The following RAB11FIP4 variants were observed in gnomAD, a reference collection of about 807,000 sequenced individuals.
The protein encoded by RAB11FIP4 is RAB11 family interacting protein 4.
Under a neutral mutation model 74.3 loss-of-function variants are expected in RAB11FIP4, and 23 were observed. The ratio of observed to expected loss-of-function variants is 0.31; its 90% CI spans 0.22 to 0.44. RAB11FIP4 has a LOEUF of 0.44. Ranked by LOEUF, RAB11FIP4 falls within the 20% of genes least tolerant of loss-of-function variation. The pLI is 1.00. For synonymous variants in RAB11FIP4, 360 were observed against 359.9 expected, an observed-to-expected ratio of 1.00 and a Z score of 0.00; for missense variants, 630 against 863.9, an observed-to-expected ratio of 0.73 and a Z score of 3.39.
chr17:31,524,969 C>T (rs1567692905), intron 9 of RAB11FIP4, 121 bp from the exon 10 acceptor site: 1 of 1,199,844 alleles, frequency 8.3e-7, no homozygotes, highest in Non-Finnish European at 1.2e-6. Context: ...TACTGGCCCA[C>T]ACGCCCTCAG....
intron 3 of RAB11FIP4, among the ~76,000 whole-genome samples, chr17:31,502,883 G>A (rs2072248345): frequency 6.6e-6 from 1 of 152,170 alleles, no homozygotes; most frequent in African/African-American, 2.4e-5. Context: ...TCCTTGGCTT[G>A]CAGACAGCCA....
rs745347744 is a variant in RAB11FIP4, at chr17:31,528,410, G to A, written c.1361G>A (p.Arg454Gln). Residue 454 changes from arginine (R) to glutamine (Q), a missense_variant, in exon 12 of 15, where the codon CGG (arginine) becomes CAG (glutamine). Physicochemically the swap from Arg to Gln is conservative, Grantham distance 43 (BLOSUM62 1). Transcript: ENST00000621161. Reference sequence around the variant, plus strand: ...GATCGGGTCTCCCTGCTCCAGGAGCGGCAGCGCATGTCTGACCGTCTGGAG... The same window carrying A: ...GATCGGGTCTCCCTGCTCCAGGAGCAGCAGCGCATGTCTGACCGTCTGGAG... ...KSQTEKLDEERQRMSDRLEDT... is the reference protein window; with the variant it reads ...KSQTEKLDEEQQRMSDRLEDT... 7 of 1,612,474 alleles carry A rather than the reference G, an allele frequency of 4.3e-6. No homozygotes were observed. Among genetic ancestry groups the A allele is most frequent in the Middle Eastern group, 1.6e-4 (1 of 6,062 alleles).
intron 14 of RAB11FIP4, chr17:31,531,223 T>C (rs1320504773): frequency 5.4e-6 from 1 of 186,236 alleles, no homozygotes; most frequent in Non-Finnish European, 1.1e-5. Context: ...AGTGTGGGGC[T>C]GGGGGTGGGG....
At chr17:31,419,355 G>T (rs1177045351) in intron 1 of RAB11FIP4, among the ~76,000 whole-genome samples, 1 of 151,116 alleles carries the variant, frequency 6.6e-6, no homozygotes, top group African/African-American at 2.4e-5. Flanking sequence ...TCTTTTGATA[G>T]GTTTTTCTTC....
rs532438560 is a variant in RAB11FIP4, at chr17:31,431,598, G to A, written c.160-215G>A. Reference sequence around the variant, plus strand: ...GCTCAGGGAGGGTGTGCTCAGGGAGGAGCCGGTGTTGGCTCTGCTTTTCTT... The same window carrying A: ...GCTCAGGGAGGGTGTGCTCAGGGAGAAGCCGGTGTTGGCTCTGCTTTTCTT... On this transcript the variant is annotated intron_variant, in intron 1 of 14. Transcript: ENST00000621161. 5.9e-6 allele frequency: 3 copies of A among 506,522 alleles called. No individual in the cohort carries two copies. In the African/African-American group the frequency reaches 6.1e-5, roughly 10 times the overall value. 31.4% of individuals were successfully genotyped at this position (506,522 alleles called of 1,614,324 possible). A position where few individuals can be genotyped will look rare whatever the true frequency, so the allele number is the denominator to read the frequency against.
intron 3 of RAB11FIP4, among the ~76,000 whole-genome samples, chr17:31,500,760 C>T (rs1005730791): frequency 1.3e-5 from 2 of 152,224 alleles, no homozygotes; most frequent in African/African-American, 4.8e-5. Flanking sequence ...CATGGTGGCT[C>T]ATGCCTGTAA....
At chr17:31,408,544 C>A (rs1186868611) in intron 1 of RAB11FIP4, among the ~76,000 whole-genome samples, 2 of 152,180 alleles carry the variant, frequency 1.3e-5, no homozygotes, top group Admixed American at 1.3e-4. Flanking sequence ...TTTCTCTAAT[C>A]TCACCACTGG....
At chr17:31,410,616 G>C (rs1371557081) in intron 1 of RAB11FIP4, among the ~76,000 whole-genome samples, 2 of 152,088 alleles carry the variant, frequency 1.3e-5, no homozygotes, top group African/African-American at 4.8e-5. Flanking sequence ...CACCGAGGGG[G>C]CTGAAGGGGG....
chr17:31,402,907 G>C (rs1412617650), intron 1 of RAB11FIP4, among the ~76,000 whole-genome samples: 2 of 152,224 alleles, frequency 1.3e-5, no homozygotes, highest in East Asian at 1.9e-4. Flanking sequence ...TTACAGGCGT[G>C]AGCCACCGCG....
chr17:31,411,650 C>A (rs563836442), intron 1 of RAB11FIP4, among the ~76,000 whole-genome samples: 1 of 152,304 alleles, frequency 6.6e-6, no homozygotes, highest in Non-Finnish European at 1.5e-5. Flanking sequence ...TAAATAAGGG[C>A]CTCAATCATG....
intron 1 of RAB11FIP4, among the ~76,000 whole-genome samples, chr17:31,396,242 A>C (rs2070929858): frequency 6.6e-6 from 1 of 151,386 alleles, no homozygotes; most frequent in Admixed American, 6.6e-5. Flanking sequence ...TTTTTGAGGG[A>C]TGGGGGCACA....
rs1328234964 is a variant in RAB11FIP4 at position 31,521,178 on chromosome 17, C to A, written c.576C>A (p.His192Gln). The change falls in exon 5 of 15, where the codon CAC becomes CAA. Residue 192 changes from histidine (H) to glutamine (Q), a missense_variant. Coordinates refer to ENST00000621161, the MANE Select transcript of RAB11FIP4 (RefSeq NM_032932.6). ...LFLPEDKSLV[H>Q]TPSMTTSDLS... Reference sequence around the variant, plus strand: ...CTCGGACCCTCAGGTCCCTGGTCCACACTCCATCCATGACGACCTCAGACC... The same window carrying A: ...CTCGGACCCTCAGGTCCCTGGTCCAAACTCCATCCATGACGACCTCAGACC... 6.3e-7 allele frequency: 1 copy of A among 1,595,444 alleles called. No individual in the cohort carries two copies.
intron 3 of RAB11FIP4, among the ~76,000 whole-genome samples, chr17:31,456,616 C>A (rs1319460585): frequency 2.0e-5 from 3 of 152,192 alleles, no homozygotes; most frequent in Non-Finnish European, 4.4e-5. Context: ...CCCTTGCTGT[C>A]CTTTTTGGTT....
chr17:31,516,659 G>T (rs1208625295), intron 3 of RAB11FIP4, among the ~76,000 whole-genome samples: 2 of 152,154 alleles, frequency 1.3e-5, no homozygotes, highest in Non-Finnish European at 1.5e-5. Flanking sequence ...TAGTAGAGAC[G>T]GGGTTTCACC....
intron 3 of RAB11FIP4, among the ~76,000 whole-genome samples, chr17:31,472,853 T>C (rs1299767089): frequency 1.3e-5 from 2 of 150,454 alleles, no homozygotes; most frequent in Non-Finnish European, 3.0e-5. Context: ...GCCAACATGG[T>C]GAAACCCCAT....
intron 3 of RAB11FIP4, among the ~76,000 whole-genome samples, chr17:31,501,167 G>A (rs969667164): frequency 1.3e-5 from 2 of 151,268 alleles, no homozygotes; most frequent in Non-Finnish European, 2.9e-5. Flanking sequence ...CAAACTAATC[G>A]TGAAAGAGAA....
At chr17:31,462,284 A>AC (rs1339934548) in intron 3 of RAB11FIP4, among the ~76,000 whole-genome samples, 2 of 151,700 alleles carry the variant, frequency 1.3e-5, no homozygotes, top group Admixed American at 6.6e-5. Context: ...CAAAAAACAA[A>AC]AAAAAAAACA....
intron 1 of RAB11FIP4, among the ~76,000 whole-genome samples, chr17:31,408,045 G>T (rs2071058744): frequency 1.3e-5 from 2 of 151,556 alleles, no homozygotes; most frequent in Non-Finnish European, 2.9e-5. Flanking sequence ...CCTTTTCTGA[G>T]TATCACTATG....
chr17:31,402,775 T>C lies in RAB11FIP4; in HGVS notation c.159+10764T>C, dbSNP rs544551178. Among the ~76,000 whole-genome samples, 165 of 151,258 alleles carry C rather than the reference T, an allele frequency of 1.1e-3. 1 individual carries two copies. Among genetic ancestry groups the C allele is most frequent in the African/African-American group, 3.1e-3 (129 of 41,244 alleles). On this transcript the variant is annotated intron_variant, in intron 1 of 14. Transcript: ENST00000621161. ...TAGCTGGGACTACAGGCGCCCACCA[T>C]CACTCCTGGCTAATTTTTTTTTTGT...
Sources: gnomAD v4.1 joint callset for allele counts (sites outside exome capture counted in the v4.1 genomes callset) on GRCh38, gnomAD v4.1.1 for gene constraint, MANE v1.5 for transcripts, NCBI Gene and HGNC (gene_info 2026-07-23, HGNC 2026-07-21) for gene names.